The following XRN1 variants were observed in gnomAD, a reference collection of about 807,000 sequenced individuals.
XRN1 encodes strand-exchange protein 1 homolog.
A neutral mutation model predicts 222.3 loss-of-function variants in XRN1; 67 were observed. The observed-to-expected ratio is 0.30, with a 90% CI of 0.25 to 0.37. The LOEUF (loss-of-function observed/expected upper bound fraction) is 0.37, where lower values mean the gene tolerates loss of function less well. XRN1 is among the 10% of genes least tolerant of loss of function. The pLI, the probability that XRN1 is intolerant of heterozygous loss-of-function variation, is 1.00. For synonymous variants in XRN1, 643 were observed against 652.4 expected (o/e 0.99, Z 0.22); for missense variants, 1,707 against 2,000.2 (o/e 0.85, Z 2.80).
At chr3:142,370,667 G>C (rs775319600) in intron 26 of XRN1, 47 bp from the exon 27 acceptor site, 7 of 1,495,914 alleles carry the variant, frequency 4.7e-6, no homozygotes, top group Non-Finnish European at 6.3e-6. Context: ...AACTTTCTCA[G>C]GGCTATAAAT....
At chr3:142,349,231 G>T (rs1240997132) in intron 32 of XRN1, among the ~76,000 whole-genome samples, 2 of 152,154 alleles carry the variant, frequency 1.3e-5, no homozygotes, top group African/African-American at 4.8e-5. Context: ...TGGGATTACA[G>T]GTGTGAGCCA....
In XRN1 at chr3:142,376,929, G is replaced by A. The variant is rs371824246; in HGVS notation, c.2716-335C>T. Among the ~76,000 whole-genome samples the A allele has an allele frequency of 8.5e-5, 13 of 152,086 alleles. No homozygotes were observed. In the East Asian group the frequency reaches 2.1e-3, roughly 25 times the overall value. Reference sequence around the variant, plus strand: ...ACAGGCAAGTTTTTTGTTTGTTTTTGTTTTCGTTTCTACTAATTTTCATAT... The same window carrying A: ...ACAGGCAAGTTTTTTGTTTGTTTTTATTTTCGTTTCTACTAATTTTCATAT... On this transcript the variant is annotated intron_variant, in intron 23 of 40. Coordinates refer to ENST00000392981, the MANE Select transcript of XRN1 (RefSeq NM_001282857.2).
chr3:142,368,498 G>A (rs975708290), intron 27 of XRN1, among the ~76,000 whole-genome samples: 3 of 152,140 alleles, frequency 2.0e-5, no homozygotes, highest in Non-Finnish European at 4.4e-5. Context: ...AGACTAAGAC[G>A]TTGTATATGT....
intron 32 of XRN1, 86 bp downstream of exon 32, chr3:142,355,315 G>T: frequency 1.5e-6 from 1 of 683,728 alleles, no homozygotes; most frequent in Non-Finnish European, 2.2e-6. Flanking sequence ...AGATGTCACA[G>T]AAAAATAATC....
chr3:142,356,390 G>A (rs1002602539), intron 31 of XRN1, among the ~76,000 whole-genome samples: 9 of 152,136 alleles, frequency 5.9e-5, no homozygotes, highest in African/African-American at 1.2e-4. Flanking sequence ...TTAAAAAAAC[G>A]TACTTAATAA....
chr3:142,417,765 A>C (rs1218608160), intron 12 of XRN1: 1 of 152,290 alleles, frequency 6.6e-6, no homozygotes. Context: ...ATAAGTCTTC[A>C]AATCATCAAA....
chr3:142,348,275 GTTAA>G (rs2066206763), intron 32 of XRN1, among the ~76,000 whole-genome samples: 1 of 151,900 alleles, frequency 6.6e-6, no homozygotes, highest in South Asian at 2.1e-4. Flanking sequence ...TCCCTTCCAT[GTTAA>G]TTTTTATTAA....
chr3:142,365,142 T>C lies in XRN1; in HGVS notation c.3299A>G (p.Asp1100Gly), dbSNP rs766286643. 5 of 1,613,314 alleles carry C rather than the reference T, an allele frequency of 3.1e-6. No homozygotes were observed. The South Asian group carries it at 3.3e-5, about 11-fold the overall frequency. ...ACGGTCAAAAAGACAAAATTCTGCATCCCGATCAGGAATGACTCCATGTTG... is the reference window on the plus strand; with the variant it reads ...ACGGTCAAAAAGACAAAATTCTGCACCCCGATCAGGAATGACTCCATGTTG... Reference protein sequence around the residue: ...EQQHGVIPDRDAEFCLFDRVV... With the variant: ...EQQHGVIPDRGAEFCLFDRVV... Residue 1100 changes from aspartate to glycine, a missense_variant, in exon 29 of 41, where the codon GAT becomes GGT. Physicochemically the swap from Asp to Gly is moderately conservative, Grantham distance 94 (BLOSUM62 -1). This residue lies in a region of XRN1 where 1,234 missense variants were observed against 1,518.2 expected (regional missense o/e 0.81). Coordinates refer to ENST00000392981, the MANE Select transcript of XRN1 (RefSeq NM_001282857.2).
chr3:142,396,942 T>C (rs559339310), intron 20 of XRN1, among the ~76,000 whole-genome samples: 1 of 152,168 alleles, frequency 6.6e-6, no homozygotes, highest in East Asian at 1.9e-4. Context: ...GTAAAGGGAA[T>C]GGGGAACGGG....
intron 23 of XRN1, 92 bp from the exon 24 acceptor site, chr3:142,376,686 A>C (rs2067152984): frequency 1.1e-6 from 1 of 892,476 alleles, no homozygotes; most frequent in African/African-American, 1.7e-5. Flanking sequence ...GATAATCAAG[A>C]CATCACTAAC....
intron 2 of XRN1, 150 bp from the exon 3 acceptor site, chr3:142,426,991 G>A (rs1159544746): frequency 2.9e-5 from 18 of 619,396 alleles, no homozygotes; most frequent in Non-Finnish European, 4.9e-5. Flanking sequence ...GATTATGATT[G>A]ATAAAAATGA....
intron 1 of XRN1, among the ~76,000 whole-genome samples, chr3:142,437,743 A>G (rs184417678): frequency 6.6e-6 from 1 of 152,240 alleles, no homozygotes; most frequent in South Asian, 2.1e-4. Flanking sequence ...AACAATCAGC[A>G]AAGTGAAGAG....
chr3:142,448,026 C>G lies in XRN1; in HGVS notation c.-82G>C, dbSNP rs1266104933. On this transcript the variant is annotated 5_prime_UTR_variant, in exon 1 of 41. Coordinates refer to ENST00000392981, the MANE Select transcript of XRN1 (RefSeq NM_001282857.2). ...GGGCTCCGCCGCAGCCTCCGGTCGT[C>G]GCTCCGCGGATGACAACACACCGCC... The G allele has an allele frequency of 1.4e-6, 2 of 1,467,440 alleles. No homozygotes were observed. Among genetic ancestry groups the G allele is most frequent in the Non-Finnish European group, 1.9e-6 (2 of 1,057,120 alleles). The allele number at this position is 1,467,440 out of a possible 1,614,324, so 90.9% of individuals were successfully genotyped here.
intron 15 of XRN1, among the ~76,000 whole-genome samples, chr3:142,408,915 A>C (rs1414111198): frequency 1.3e-5 from 2 of 152,206 alleles, no homozygotes; most frequent in East Asian, 3.9e-4. Context: ...GTGGTATCTT[A>C]TCATGCTTTT....
intron 33 of XRN1, among the ~76,000 whole-genome samples, chr3:142,342,471 C>T (rs1273434756): frequency 2.0e-5 from 3 of 151,906 alleles, no homozygotes; most frequent in Non-Finnish European, 2.9e-5. Flanking sequence ...CCACAAAAAC[C>T]CCAGAATAGC....
At chr3:142,371,349 A>G (rs1482553149) in intron 25 of XRN1, 21 bp from the exon 26 acceptor site, 47 of 1,559,302 alleles carry the variant, frequency 3.0e-5, no homozygotes, top group Non-Finnish European at 3.9e-5. Context: ...AAACAAAAAT[A>G]TTGTCTTAAA....
intron 20 of XRN1, among the ~76,000 whole-genome samples, chr3:142,387,474 C>T (rs541009781): frequency 1.2e-4 from 18 of 152,160 alleles, no homozygotes; most frequent in Non-Finnish European, 1.9e-4. Flanking sequence ...ACCTATAATT[C>T]GCAAGTATTT....
At chr3:142,311,920 G>A in intron 40 of XRN1, 107 bp from the exon 41 acceptor site, 1 of 1,095,652 alleles carries the variant, frequency 9.1e-7, no homozygotes, top group Non-Finnish European at 1.3e-6. Flanking sequence ...AATCACAGCT[G>A]ATCTGTGACT....
chr3:142,326,183 A>G (rs1439441629), intron 37 of XRN1, among the ~76,000 whole-genome samples: 5 of 151,742 alleles, frequency 3.3e-5, no homozygotes, highest in Non-Finnish European at 7.4e-5. Context: ...ATTTCTGTCA[A>G]GAATGTCATC....
Sources: gnomAD v4.1 joint callset for allele counts (sites outside exome capture counted in the v4.1 genomes callset) on GRCh38, gnomAD v4.1.1 for gene constraint, gnomAD v4.1.1 regional missense constraint, MANE v1.5 for transcripts, NCBI Gene and HGNC (gene_info 2026-07-23, HGNC 2026-07-21) for gene names.